The following KRTAP11-1 variants were observed in gnomAD, a reference collection of about 807,000 sequenced individuals.
KRTAP11-1 encodes the protein keratin-associated protein 11-1.
In KRTAP11-1, 17 loss-of-function variants were observed where a neutral mutation model predicts 13.9. That is an observed-to-expected ratio of 1.23 (90% confidence interval 0.84 to 1.84). KRTAP11-1 has a LOEUF of 1.84. Ranked by LOEUF, KRTAP11-1 falls within the 40% of genes most tolerant of loss-of-function variation. KRTAP11-1 has a pLI of 0.00. For synonymous variants in KRTAP11-1, 69 were observed against 81.6 expected, an observed-to-expected ratio of 0.85 and a Z score of 0.84; for missense variants, 181 against 200.9, an observed-to-expected ratio of 0.90 and a Z score of 0.60.
chr21:30,880,807 A>G lies in KRTAP11-1; in HGVS notation c.*226T>C, dbSNP rs1468632270. ...GATGGTAAAGCTTCTGGACACATCC[A>G]GAGGCATACACAGCACCAGTGAGCA... On this transcript the variant is annotated 3_prime_UTR_variant, in exon 1 of 1. Transcript: ENST00000332378. 1.2e-5 allele frequency: 7 copies of G among 569,578 alleles called. No individual in the cohort carries two copies. The highest frequency in any genetic ancestry group is 1.6e-5 in the Non-Finnish European group (5 of 321,156). The allele number at this position is 569,578 out of a possible 1,614,324, so 35.3% of individuals were successfully genotyped here. A position where few individuals can be genotyped will look rare whatever the true frequency, so the allele number is the denominator to read the frequency against.
chr21:30,881,058 A>G lies in KRTAP11-1; in HGVS notation c.467T>C (p.Val156Ala). ...GVSRTYQQSC[V>A]SSCRRTC ...TTAGCAGGTTCTTCGGCAGCTGGAC[A>G]CGCAGGACTGCTGATACGTCCTGGA... is the stretch of plus-strand genomic sequence containing the variant. The change falls in exon 1 of 1, where the codon GTG becomes GCG. Residue 156 changes from valine (V) to alanine (A), a missense_variant. Coordinates refer to ENST00000332378, the MANE Select transcript of KRTAP11-1 (RefSeq NM_175858.3). 2 of 1,613,652 alleles carry G rather than the reference A, an allele frequency of 1.2e-6. No individual in the cohort carries two copies. Among genetic ancestry groups the G allele is most frequent in the Non-Finnish European group, 1.7e-6 (2 of 1,179,654 alleles).
rs758413422 is a variant in KRTAP11-1, at chr21:30,881,515, T to C, written c.10A>G (p.Asn4Asp). The C allele has an allele frequency of 4.4e-6, 7 of 1,607,172 alleles. No homozygotes were observed. In the East Asian group the frequency reaches 1.1e-4, roughly 26 times the overall value. Residue 4 changes from asparagine (N) to aspartate (D), a missense_variant, in exon 1 of 1, where the codon AAC becomes GAC. Physicochemically the swap from Asn to Asp is conservative, Grantham distance 23. Transcript: ENST00000332378. Reference sequence around the variant, plus strand: ...GAAGAGCAATTTCTTGTGGAGCAGTTGAAGGACATGATGTCAGACAGAGGG... The same window carrying C: ...GAAGAGCAATTTCTTGTGGAGCAGTCGAAGGACATGATGTCAGACAGAGGG... The part of the protein sequence containing the change: MSF[N>D]CSTRNCSSRP...
At position 30,880,938 on chromosome 21, in the gene KRTAP11-1, A is replaced by G. The variant is rs945663540; in HGVS notation, c.*95T>C. ...CAGGCGGTCACAAGAAGGGTCAGCT[A>G]TGAAGAGCTATTCAGGGACAAGCAG... On this transcript the variant is annotated 3_prime_UTR_variant, in exon 1 of 1. Coordinates refer to ENST00000332378, the MANE Select transcript of KRTAP11-1 (RefSeq NM_175858.3). 6.8e-6 allele frequency: 10 copies of G among 1,471,748 alleles called. No homozygotes were observed. In the African/African-American group the frequency reaches 1.4e-4, roughly 21 times the overall value. 91.2% of individuals were successfully genotyped at this position (1,471,748 alleles called of 1,614,324 possible).
rs745445222 is a variant in KRTAP11-1, at chr21:30,881,238, C to T, written c.287G>A (p.Cys96Tyr). The change falls in exon 1 of 1, where the codon TGC (cysteine) becomes TAC (tyrosine). Residue 96 changes from cysteine (C) to tyrosine (Y), a missense_variant. Cys to Tyr is a radical substitution (Grantham distance 194). Coordinates refer to ENST00000332378, the MANE Select transcript of KRTAP11-1 (RefSeq NM_175858.3). ...GAGCGGCCGGCTGTAGGTAGTTGAGCAGGGGTTGGAAATACAGGTAGTTTG... is the reference window on the plus strand; with the variant it reads ...GAGCGGCCGGCTGTAGGTAGTTGAGTAGGGGTTGGAAATACAGGTAGTTTG... ...SRQTTCISNP[C>Y]STTYSRPLTF... is the part of the protein sequence containing the mutation. 6.2e-6 allele frequency: 10 copies of T among 1,614,014 alleles called. No homozygotes were observed. The highest frequency in any genetic ancestry group is 8.5e-6 in the Non-Finnish European group (10 of 1,180,032).
Position 30,880,911 on chromosome 21 carries a change from G to T in KRTAP11-1, c.*122C>A. 1.5e-6 allele frequency: 2 copies of T among 1,294,998 alleles called. No individual in the cohort carries two copies. The highest frequency in any genetic ancestry group is 2.1e-6 in the Non-Finnish European group (2 of 934,844). The allele number at this position is 1,294,998 out of a possible 1,614,324, so 80.2% of individuals were successfully genotyped here. On this transcript the variant is annotated 3_prime_UTR_variant, in exon 1 of 1. Transcript: ENST00000332378. ...GCGTGTGCATGGATAGTAGCCAGCA[G>T]TCAGGCGGTCACAAGAAGGGTCAGC...
At position 30,881,441 on chromosome 21, in the gene KRTAP11-1, C is replaced by T. The variant is rs201993626; in HGVS notation, c.84G>A (p.Thr28=). ...GGCAGTCAGCATCAGTGGTGGAAGT[C>T]GTGGTAACTTGGGCCACTGGAACAA... ...RCIVPVAQVT[T]TSTTDADCLG... Residue 28 remains threonine (T), a synonymous_variant, in exon 1 of 1, where the codon ACG becomes ACA. Transcript: ENST00000332378. 35 of 1,614,062 alleles carry T rather than the reference C, an allele frequency of 2.2e-5. No individual in the cohort carries two copies. Among genetic ancestry groups the T allele is most frequent in the African/African-American group, 9.3e-5 (7 of 75,024 alleles).
Position 30,880,931 on chromosome 21 carries a change from G to A in KRTAP11-1, c.*102C>T, listed in dbSNP as rs1298653937. On this transcript the variant is annotated 3_prime_UTR_variant, in exon 1 of 1. Coordinates refer to ENST00000332378, the MANE Select transcript of KRTAP11-1 (RefSeq NM_175858.3). Reference sequence around the variant, plus strand: ...CAGCAGTCAGGCGGTCACAAGAAGGGTCAGCTATGAAGAGCTATTCAGGGA... The same window carrying A: ...CAGCAGTCAGGCGGTCACAAGAAGGATCAGCTATGAAGAGCTATTCAGGGA... 1.4e-6 allele frequency: 2 copies of A among 1,437,754 alleles called. No individual in the cohort carries two copies. Among genetic ancestry groups the A allele is most frequent in the South Asian group, 1.4e-5 (1 of 74,020 alleles). 89.1% of individuals were successfully genotyped at this position (1,437,754 alleles called of 1,614,324 possible). A position where few individuals can be genotyped will look rare whatever the true frequency, so the allele number is the denominator to read the frequency against.
chr21:30,880,835 C>T lies in KRTAP11-1; in HGVS notation c.*198G>A, dbSNP rs1399681764. The T allele has an allele frequency of 6.3e-6, 4 of 637,790 alleles. No homozygotes were observed. The highest frequency in any genetic ancestry group is 1.1e-5 in the Non-Finnish European group (4 of 371,994). The allele number at this position is 637,790 out of a possible 1,614,324, so 39.5% of individuals were successfully genotyped here. A position where few individuals can be genotyped will look rare whatever the true frequency, so the allele number is the denominator to read the frequency against. On this transcript the variant is annotated 3_prime_UTR_variant, in exon 1 of 1. Coordinates refer to ENST00000332378, the MANE Select transcript of KRTAP11-1 (RefSeq NM_175858.3). The stretch of plus-strand genomic sequence containing the variant: ...GGCATACACAGCACCAGTGAGCAAC[C>T]CTTAAAACAAGCTTAGGGCTGGCCA...
chr21:30,881,288 G>T lies in KRTAP11-1; in HGVS notation c.237C>A (p.Asn79Lys). Residue 79 changes from asparagine to lysine, a missense_variant, in exon 1 of 1, where the codon AAC becomes AAA. Transcript: ENST00000332378. ...TCYRRTSCVS[N>K]PCQVTCSRQT... Reference sequence around the variant, plus strand: ...GTCGAGAGCAAGTCACCTGGCAAGGGTTGGAGACACATGAAGTTCGCCGGT... The same window carrying T: ...GTCGAGAGCAAGTCACCTGGCAAGGTTTGGAGACACATGAAGTTCGCCGGT... 1 of 1,614,180 alleles carries T rather than the reference G, an allele frequency of 6.2e-7. No individual in the cohort carries two copies. Among genetic ancestry groups the T allele is most frequent in the Non-Finnish European group, 8.5e-7 (1 of 1,180,020 alleles).
In KRTAP11-1 at chr21:30,880,717, A is replaced by G; in HGVS notation, c.*316T>C. Reference sequence around the variant, plus strand: ...AAGCTCTGTTTTTGTGAGACACAAAAGCAGAGGCCAGGAGATACAGCAGCA... The same window carrying G: ...AAGCTCTGTTTTTGTGAGACACAAAGGCAGAGGCCAGGAGATACAGCAGCA... On this transcript the variant is annotated 3_prime_UTR_variant, in exon 1 of 1. Coordinates refer to ENST00000332378, the MANE Select transcript of KRTAP11-1 (RefSeq NM_175858.3). The G allele has an allele frequency of 3.1e-6, 1 of 318,886 alleles. No homozygotes were observed. The highest frequency in any genetic ancestry group is 5.8e-6 in the Non-Finnish European group (1 of 172,394). The allele number at this position is 318,886 out of a possible 1,614,324, so 19.8% of individuals were successfully genotyped here.
Position 30,881,355 on chromosome 21 carries a change from T to C in KRTAP11-1, c.170A>G (p.Gln57Arg). Residue 57 changes from glutamine to arginine, a missense_variant, in exon 1 of 1, where the codon CAA becomes CGA. Transcript: ENST00000332378. ...QTGSWLLDHC[Q>R]ETCCEPTACQ... is the part of the protein sequence containing the mutation. Reference sequence around the variant, plus strand: ...AGCAGTGGGCTCACAGCAGGTCTCTTGACAGTGGTCCAGGAGCCAAGAGCC... The same window carrying C: ...AGCAGTGGGCTCACAGCAGGTCTCTCGACAGTGGTCCAGGAGCCAAGAGCC... The C allele has an allele frequency of 1.2e-6, 2 of 1,614,082 alleles. No individual in the cohort carries two copies. Among genetic ancestry groups the C allele is most frequent in the Non-Finnish European group, 1.7e-6 (2 of 1,180,004 alleles).
rs752535051 is a variant in KRTAP11-1, at chr21:30,881,196, C to G, written c.329G>C (p.Gly110Ala). ...YSRPLTFVSS[G>A]CQPLGGISSV... ...GGAGATGCCTCCCAGGGGCTGACAT[C>G]CACTAGAGACAAAGGTGAGCGGCCG... Residue 110 changes from glycine to alanine, a missense_variant, in exon 1 of 1, where the codon GGA becomes GCA. Gly to Ala is a moderately conservative substitution (Grantham distance 60). Coordinates refer to ENST00000332378, the MANE Select transcript of KRTAP11-1 (RefSeq NM_175858.3). The G allele has an allele frequency of 6.2e-7, 1 of 1,613,984 alleles. No individual in the cohort carries two copies. Among genetic ancestry groups the G allele is most frequent in the African/African-American group, 1.3e-5 (1 of 74,900 alleles).
rs780344763 is a variant in KRTAP11-1 at position 30,881,075 on chromosome 21, C to T, written c.450G>A (p.Thr150=). The change falls in exon 1 of 1, where the codon ACG becomes ACA. Residue 150 remains threonine, a synonymous_variant. Coordinates refer to ENST00000332378, the MANE Select transcript of KRTAP11-1 (RefSeq NM_175858.3). The part of the protein sequence containing the change: ...VCQPACGVSR[T]YQQSCVSSCR... ...AGCTGGACACGCAGGACTGCTGATACGTCCTGGAGACCCCACAGGCTGGCT... is the reference window on the plus strand; with the variant it reads ...AGCTGGACACGCAGGACTGCTGATATGTCCTGGAGACCCCACAGGCTGGCT... The T allele has an allele frequency of 2.5e-6, 4 of 1,613,938 alleles. No homozygotes were observed. The highest frequency in any genetic ancestry group is 4.5e-5 in the East Asian group (2 of 44,878).
chr21:30,881,146 T>C lies in KRTAP11-1; in HGVS notation c.379A>G (p.Ile127Val), dbSNP rs1986202757. 1 of 1,614,058 alleles carries C rather than the reference T, an allele frequency of 6.2e-7. No individual in the cohort carries two copies. Among genetic ancestry groups the C allele is most frequent in the East Asian group, 2.2e-5 (1 of 44,862 alleles). ...ISSVCQPVGG[I>V]STVCQPVGGV... The stretch of plus-strand genomic sequence containing the variant: ...CCCACTGGTTGGCAGACAGTAGAGA[T>C]GCCGCCCACTGGTTGGCAGACACTG... The change falls in exon 1 of 1, where the codon ATC (isoleucine) becomes GTC (valine). Residue 127 changes from isoleucine to valine, a missense_variant. Transcript: ENST00000332378.
In KRTAP11-1 at chr21:30,880,784, T is replaced by G. The variant is rs1007339421; in HGVS notation, c.*249A>C. 8.1e-6 allele frequency: 4 copies of G among 494,234 alleles called. No homozygotes were observed. The highest frequency in any genetic ancestry group is 1.4e-5 in the Non-Finnish European group (4 of 279,538). 30.6% of individuals were successfully genotyped at this position (494,234 alleles called of 1,614,324 possible). A position where few individuals can be genotyped will look rare whatever the true frequency, so the allele number is the denominator to read the frequency against. ...AAAGCATCAGAGACTGGGGTGTGGA[T>G]GGTAAAGCTTCTGGACACATCCAGA... is the stretch of plus-strand genomic sequence containing the variant. On this transcript the variant is annotated 3_prime_UTR_variant, in exon 1 of 1. Transcript: ENST00000332378.
In KRTAP11-1 at chr21:30,881,013, G is replaced by A. The variant is rs567565129; in HGVS notation, c.*20C>T. ...CTGGCAGGTCGTGGAGTCTTGATTCGCTCACTGGCTCCTACACACTTAGCA... is the reference window on the plus strand; with the variant it reads ...CTGGCAGGTCGTGGAGTCTTGATTCACTCACTGGCTCCTACACACTTAGCA... On this transcript the variant is annotated 3_prime_UTR_variant, in exon 1 of 1. Coordinates refer to ENST00000332378, the MANE Select transcript of KRTAP11-1 (RefSeq NM_175858.3). 485 of 1,595,544 alleles carry A rather than the reference G, an allele frequency of 3.0e-4. 5 individuals carry two copies. The South Asian group carries it at 5.1e-3, about 17-fold the overall frequency.
Position 30,881,353 on chromosome 21 carries a change from C to T in KRTAP11-1, c.172G>A (p.Glu58Lys). Residue 58 changes from glutamate to lysine, a missense_variant, in exon 1 of 1, where the codon GAG (glutamate) becomes AAG (lysine). Transcript: ENST00000332378. ...TGSWLLDHCQETCCEPTACQP... is the reference protein window; with the variant it reads ...TGSWLLDHCQKTCCEPTACQP... Reference sequence around the variant, plus strand: ...CAAGCAGTGGGCTCACAGCAGGTCTCTTGACAGTGGTCCAGGAGCCAAGAG... The same window carrying T: ...CAAGCAGTGGGCTCACAGCAGGTCTTTTGACAGTGGTCCAGGAGCCAAGAG... The T allele has an allele frequency of 6.2e-7, 1 of 1,614,104 alleles. No individual in the cohort carries two copies. The highest frequency in any genetic ancestry group is 8.5e-7 in the Non-Finnish European group (1 of 1,180,008).
chr21:30,880,870 T>TA lies in KRTAP11-1; in HGVS notation c.*162dup. ...AGCTTAGGGCTGGCCAGAAAAATTT[T>TA]AGAGTGCTAAAGACAGCGTGTGCAT... is the stretch of plus-strand genomic sequence containing the variant. On this transcript the variant is annotated 3_prime_UTR_variant, in exon 1 of 1. Coordinates refer to ENST00000332378, the MANE Select transcript of KRTAP11-1 (RefSeq NM_175858.3). The TA allele has an allele frequency of 1.1e-6, 1 of 938,424 alleles. No homozygotes were observed. Among genetic ancestry groups the TA allele is most frequent in the South Asian group, 1.7e-5 (1 of 59,992 alleles). 58.1% of individuals were successfully genotyped at this position (938,424 alleles called of 1,614,324 possible). A position where few individuals can be genotyped will look rare whatever the true frequency, so the allele number is the denominator to read the frequency against.
rs199869279 is a variant in KRTAP11-1 at position 30,881,220 on chromosome 21, C to T, written c.305G>A (p.Arg102Gln). 8.7e-6 allele frequency: 14 copies of T among 1,613,942 alleles called. No homozygotes were observed. In the African/African-American group the frequency reaches 1.2e-4, roughly 14 times the overall value. Reference protein sequence around the residue: ...ISNPCSTTYSRPLTFVSSGCQ... With the variant: ...ISNPCSTTYSQPLTFVSSGCQ... ...TCCACTAGAGACAAAGGTGAGCGGC[C>T]GGCTGTAGGTAGTTGAGCAGGGGTT... is the stretch of plus-strand genomic sequence containing the variant. Residue 102 changes from arginine (R) to glutamine (Q), a missense_variant, in exon 1 of 1, where the codon CGG becomes CAG. Transcript: ENST00000332378.
Sources: allele counts gnomAD v4.1 joint callset, GRCh38; gene constraint gnomAD v4.1.1; transcripts MANE v1.5; gene names NCBI Gene and HGNC (gene_info 2026-07-23, HGNC 2026-07-21).